Variants in SEC31A observed in about 807,000 individuals in gnomAD.
SEC31A encodes SEC31 homolog A, COPII component.
A neutral mutation model predicts 151.0 loss-of-function variants in SEC31A; 70 were observed. The observed-to-expected ratio is 0.46, with a 90% confidence interval of 0.38 to 0.57. The LOEUF is 0.57. Among genes scored for constraint, SEC31A ranks in the 20% least tolerant of loss-of-function variants. The pLI is 0.00. For synonymous variants in SEC31A, 475 were observed against 505.9 expected, an observed-to-expected ratio of 0.94 and a Z score of 0.82; for missense variants, 1,330 against 1,471.2, an observed-to-expected ratio of 0.90 and a Z score of 1.57.
intron 3 of SEC31A, 100 bp downstream of exon 3, chr4:82,880,699 T>G: frequency 1.0e-6 from 1 of 981,286 alleles, no homozygotes. Flanking sequence ...CTTGATGGTA[T>G]TCCTTGTAGT....
intron 21 of SEC31A, 115 bp from the exon 22 acceptor site, chr4:82,842,596 C>T: frequency 1.2e-6 from 1 of 821,196 alleles, no homozygotes; most frequent in Non-Finnish European, 1.9e-6. Context: ...AAATAAGTTA[C>T]AATCCCAAAT....
chr4:82,869,770 G>C (rs2075051492), intron 8 of SEC31A, among the ~76,000 whole-genome samples: 1 of 152,058 alleles, frequency 6.6e-6, no homozygotes, highest in South Asian at 2.1e-4. Flanking sequence ...CAATATAGAT[G>C]AAAACTTATC....
chr4:82,866,215 A>T (rs536847323), intron 10 of SEC31A, among the ~76,000 whole-genome samples: 108 of 152,284 alleles, frequency 7.1e-4, no homozygotes, highest in African/African-American at 2.5e-3. Context: ...TCATGCCTGT[A>T]ATCCCAGCAC....
chr4:82,820,131 C>CTTT (rs1723000438), intron 26 of SEC31A, among the ~76,000 whole-genome samples: 2 of 105,158 alleles, frequency 1.9e-5, no homozygotes, highest in Admixed American at 1.6e-4. Flanking sequence ...ATTGTATCTT[C>CTTT]TGTTTTTTTT....
Position 82,872,071 on chromosome 4 carries a change from A to G in SEC31A, c.655T>C (p.Leu219=). 2.5e-6 allele frequency: 4 copies of G among 1,613,896 alleles called. No individual in the cohort carries two copies. Among genetic ancestry groups the G allele is most frequent in the Non-Finnish European group, 3.4e-6 (4 of 1,179,776 alleles). ...DHSNRMHCSG[L]AWHPDVATQM... ...GTAGCAACATCAGGATGCCATGCCA[A>G]CCCAGAACAATGCATCTGAAGATAG... Residue 219 remains leucine, a synonymous_variant, in exon 7 of 27, where the codon TTG becomes CTG. Coordinates refer to ENST00000395310, the MANE Select transcript of SEC31A (RefSeq NM_001077207.4).
At chr4:82,886,139 T>C (rs1740659284) in intron 1 of SEC31A, among the ~76,000 whole-genome samples, 1 of 152,184 alleles carries the variant, frequency 6.6e-6, no homozygotes, top group Non-Finnish European at 1.5e-5. Flanking sequence ...AGAGGAAATA[T>C]TAACATTTAG....
At chr4:82,888,558 C>A (rs1484774420) in intron 1 of SEC31A, among the ~76,000 whole-genome samples, 1 of 151,688 alleles carries the variant, frequency 6.6e-6, no homozygotes, top group Non-Finnish European at 1.5e-5. Flanking sequence ...CGCGTGATGG[C>A]GCGGCCAGTA....
At chr4:82,823,550 G>A (rs186866978) in intron 25 of SEC31A, among the ~76,000 whole-genome samples, 1 of 152,302 alleles carries the variant, frequency 6.6e-6, no homozygotes, top group African/African-American at 2.4e-5. Flanking sequence ...TCTAGAAGAT[G>A]TTTTTTCATG....
chr4:82,890,884 G>A (rs1346420810), intron 1 of SEC31A: 3 of 1,389,360 alleles, frequency 2.2e-6, no homozygotes, highest in Non-Finnish European at 2.8e-6. Flanking sequence ...GGCGAATGCG[G>A]ACGGGCGCGA....
chr4:82,832,661 A>G (rs1232636759), intron 22 of SEC31A, among the ~76,000 whole-genome samples: 1 of 152,248 alleles, frequency 6.6e-6, no homozygotes, highest in Admixed American at 6.5e-5. Context: ...TCCATCTGAC[A>G]AAGGACTAAT....
At chr4:82,843,729 T>C (rs1270337162) in intron 21 of SEC31A, 1 of 152,114 alleles carries the variant, frequency 6.6e-6, no homozygotes, top group East Asian at 1.9e-4. Flanking sequence ...TTTCCAGGTA[T>C]AATTATTTTC....
At chr4:82,857,663 A>T in intron 15 of SEC31A, 26 bp downstream of exon 15, 1 of 1,415,522 alleles carries the variant, frequency 7.1e-7, no homozygotes, top group Non-Finnish European at 9.9e-7. Context: ...AAAAAAAATT[A>T]GAAATCAAAA....
At chr4:82,819,511 G>A (rs370941688) in intron 26 of SEC31A, among the ~76,000 whole-genome samples, 1 of 152,100 alleles carries the variant, frequency 6.6e-6, no homozygotes, top group East Asian at 1.9e-4. Flanking sequence ...CAGAAAAGCA[G>A]CCCGATTTCC....
chr4:82,858,372 C>T (rs1010018687), intron 14 of SEC31A, among the ~76,000 whole-genome samples: 3 of 151,502 alleles, frequency 2.0e-5, no homozygotes, highest in African/African-American at 4.8e-5. Context: ...GGTGAAACCC[C>T]GTCTCTACTA....
At chr4:82,834,152 G>A (rs1726676924) in intron 22 of SEC31A, among the ~76,000 whole-genome samples, 1 of 152,208 alleles carries the variant, frequency 6.6e-6, no homozygotes, top group African/African-American at 2.4e-5. Context: ...AATGCCCGGT[G>A]AGTCACTGTG....
At chr4:82,883,473 G>A (rs569578894) in intron 1 of SEC31A, among the ~76,000 whole-genome samples, 1 of 152,052 alleles carries the variant, frequency 6.6e-6, no homozygotes, top group African/African-American at 2.4e-5. Context: ...AGTAATATAC[G>A]ATTACTTATT....
intron 1 of SEC31A, among the ~76,000 whole-genome samples, chr4:82,882,706 T>C (rs1178693862): frequency 6.6e-6 from 1 of 152,160 alleles, no homozygotes; most frequent in Non-Finnish European, 1.5e-5. Flanking sequence ...TTACAACATA[T>C]TAGAGAGAAT....
intron 8 of SEC31A, among the ~76,000 whole-genome samples, chr4:82,870,080 T>C (rs1736309380): frequency 6.6e-6 from 1 of 152,192 alleles, no homozygotes; most frequent in Non-Finnish European, 1.5e-5. Context: ...AAACACATTA[T>C]TGGAAATGAG....
rs528661790 is a variant in SEC31A, at chr4:82,887,360, T to C, written c.-5+3728A>G. On this transcript the variant is annotated intron_variant, in intron 1 of 26. Coordinates refer to ENST00000395310, the MANE Select transcript of SEC31A (RefSeq NM_001077207.4). Reference sequence around the variant, plus strand: ...ATTTACTAAAGTTTATTTCTTAGCCTTAGTACTCAATGTTCTAAGAAAACA... The same window carrying C: ...ATTTACTAAAGTTTATTTCTTAGCCCTAGTACTCAATGTTCTAAGAAAACA... 6.6e-5 allele frequency among the ~76,000 whole-genome samples: 10 copies of C among 151,984 alleles called. No homozygotes were observed. In the South Asian group the frequency reaches 2.1e-3, roughly 32 times the overall value.
Sources: allele counts gnomAD v4.1 joint callset (sites outside exome capture counted in the v4.1 genomes callset), GRCh38; gene constraint gnomAD v4.1.1; transcripts MANE v1.5; gene names NCBI Gene and HGNC (gene_info 2026-07-23, HGNC 2026-07-21).